The following HLCS variants were observed in gnomAD, a reference collection of about 807,000 sequenced individuals.
HLCS encodes holocarboxylase synthetase.
A neutral mutation model predicts 75.0 loss-of-function variants in HLCS; 53 were observed. The ratio of observed to expected loss-of-function variants is 0.71; its 90% CI spans 0.57 to 0.89. The LOEUF (loss-of-function observed/expected upper bound fraction) is 0.89. Ranked by LOEUF, HLCS falls within the 40% of genes least tolerant of loss-of-function variation. HLCS has a pLI of 0.00. For synonymous variants in HLCS, 431 were observed against 428.6 expected, an observed-to-expected ratio of 1.01 and a Z score of -0.07; for missense variants, 966 against 1,074.0, an observed-to-expected ratio of 0.90 and a Z score of 1.41.
At chr21:36,788,423 C>T (rs2060760328) in intron 6 of HLCS, among the ~76,000 whole-genome samples, 1 of 152,220 alleles carries the variant, frequency 6.6e-6, no homozygotes. Flanking sequence ...TACACACTGG[C>T]CCACGGAATG....
At position 36,937,158 on chromosome 21, in the gene HLCS, A is replaced by C. The variant is rs1218511890; in HGVS notation, c.728T>G (p.Val243Gly). The change falls in exon 4 of 11, where the codon GTT becomes GGT. Residue 243 changes from valine (V) to glycine (G), a missense_variant. Val to Gly is a moderately radical substitution (Grantham distance 109, BLOSUM62 -3). Coordinates refer to ENST00000674895, the MANE Select transcript of HLCS (RefSeq NM_001352514.2). ...AGDSDRGGGP[V>G]EHYHLHLSSC... ...AGACAGATGGAGGTGATAATGCTCA[A>C]CGGGGCCCCCTCCCCTGTCACTGTC... 6.2e-7 allele frequency: 1 copy of C among 1,614,014 alleles called. No homozygotes were observed. Among genetic ancestry groups the C allele is most frequent in the African/African-American group, 1.3e-5 (1 of 74,908 alleles).
At chr21:36,942,069 G>A (rs1377630997) in intron 2 of HLCS, among the ~76,000 whole-genome samples, 1 of 151,028 alleles carries the variant, frequency 6.6e-6, no homozygotes, top group Non-Finnish European at 1.5e-5. Flanking sequence ...CTACTCAGGA[G>A]GCTGAAGCTA....
chr21:36,878,005 T>C (rs957736348), intron 6 of HLCS, among the ~76,000 whole-genome samples: 5 of 152,032 alleles, frequency 3.3e-5, no homozygotes, highest in Admixed American at 3.3e-4. Context: ...CTTTCAGTAC[T>C]TGTTTTTTTT....
chr21:36,937,409 A>T lies in HLCS; in HGVS notation c.494-17T>A. 2 of 1,589,178 alleles carry T rather than the reference A, an allele frequency of 1.3e-6. No individual in the cohort carries two copies. Among genetic ancestry groups the T allele is most frequent in the Middle Eastern group, 1.7e-4 (1 of 5,996 alleles). On this transcript the variant is annotated splice_polypyrimidine_tract_variant and intron_variant, in intron 3 of 10. Coordinates refer to ENST00000674895, the MANE Select transcript of HLCS (RefSeq NM_001352514.2). The stretch of plus-strand genomic sequence containing the variant: ...AGTGCACCGCTAAGGCATGAATAGG[A>T]GAGAGAGACAGAAAATTAATCAACA...
At chr21:36,906,982 T>C (rs1458801905) in intron 5 of HLCS, among the ~76,000 whole-genome samples, 2 of 152,170 alleles carry the variant, frequency 1.3e-5, no homozygotes, top group Admixed American at 6.5e-5. Context: ...TGATTACAGC[T>C]CACTGCAGCC....
intron 6 of HLCS, among the ~76,000 whole-genome samples, chr21:36,857,538 G>A (rs560075248): frequency 6.6e-6 from 1 of 152,182 alleles, no homozygotes; most frequent in Non-Finnish European, 1.5e-5. Context: ...TCTTAGCAAG[G>A]CTTGGTAAGA....
intron 6 of HLCS, among the ~76,000 whole-genome samples, chr21:36,822,455 C>G (rs1335584298): frequency 6.6e-6 from 1 of 152,110 alleles, no homozygotes; most frequent in Non-Finnish European, 1.5e-5. Flanking sequence ...AGCATCAATC[C>G]TCTAATCTAA....
intron 2 of HLCS, among the ~76,000 whole-genome samples, chr21:36,956,914 A>G (rs957552416): frequency 2.1e-4 from 31 of 150,206 alleles, no homozygotes; most frequent in Admixed American, 1.5e-3. Context: ...TTAGCCGGGT[A>G]TGGTGGCAGG....
At chr21:36,907,390 C>T (rs2065505138) in intron 5 of HLCS, among the ~76,000 whole-genome samples, 1 of 152,020 alleles carries the variant, frequency 6.6e-6, no homozygotes, top group South Asian at 2.1e-4. Context: ...ACATGGTAGC[C>T]CACACCTGTA....
At chr21:36,938,745 C>G (rs2067006416) in intron 3 of HLCS, 87 bp downstream of exon 3, 1 of 1,366,682 alleles carries the variant, frequency 7.3e-7, no homozygotes, top group East Asian at 2.3e-5. Flanking sequence ...TCCAAGCGAT[C>G]CTCCTGCCTC....
intron 5 of HLCS, among the ~76,000 whole-genome samples, chr21:36,906,673 A>G (rs965956043): frequency 3.4e-5 from 5 of 146,196 alleles, no homozygotes; most frequent in African/African-American, 1.3e-4. Context: ...AAAATCCCAG[A>G]AGGCTTTTTT....
chr21:36,935,037 T>A (rs1345165305), intron 4 of HLCS, among the ~76,000 whole-genome samples: 1 of 152,212 alleles, frequency 6.6e-6, no homozygotes, highest in Non-Finnish European at 1.5e-5. Context: ...CAAGCAGATT[T>A]GCTATGTAAC....
chr21:36,798,999 T>C (rs974139640), intron 6 of HLCS, among the ~76,000 whole-genome samples: 9 of 152,228 alleles, frequency 5.9e-5, no homozygotes, highest in Non-Finnish European at 1.0e-4. Flanking sequence ...TTTTAAACTG[T>C]GTTTTATAAA....
At chr21:36,944,213 G>A (rs1448919820) in intron 2 of HLCS, 1 of 152,218 alleles carries the variant, frequency 6.6e-6, no homozygotes, top group African/African-American at 2.4e-5. Context: ...ACAAACTTGA[G>A]ATATGCACAA....
chr21:36,847,138 A>G (rs2062826221), intron 6 of HLCS, among the ~76,000 whole-genome samples: 1 of 152,214 alleles, frequency 6.6e-6, no homozygotes, highest in Admixed American at 6.5e-5. Context: ...TTTGTAATCA[A>G]ATTACCATCA....
At chr21:36,980,147 C>T (rs1299342477) in intron 1 of HLCS, among the ~76,000 whole-genome samples, 1 of 145,826 alleles carries the variant, frequency 6.9e-6, no homozygotes. Flanking sequence ...GCGATCACAT[C>T]AATGCACTCC....
chr21:36,838,865 C>A (rs1004152390), intron 6 of HLCS, among the ~76,000 whole-genome samples: 7 of 152,174 alleles, frequency 4.6e-5, no homozygotes, highest in Non-Finnish European at 1.0e-4. Context: ...ACGGGGCCTC[C>A]CCTGGAGCCT....
intron 2 of HLCS, among the ~76,000 whole-genome samples, chr21:36,959,434 G>A (rs12626945): frequency 0.2 from 31,126 of 152,150 alleles, 3,422 homozygotes; most frequent in East Asian, 0.34. Flanking sequence ...AACAGCCTGG[G>A]CACCTTGGAC....
At chr21:36,854,383 G>A (rs1405122893) in intron 6 of HLCS, among the ~76,000 whole-genome samples, 2 of 152,172 alleles carry the variant, frequency 1.3e-5, no homozygotes, top group Non-Finnish European at 2.9e-5. Context: ...TCTGGGGCAC[G>A]GGGAAGGACG....
Sources: allele counts gnomAD v4.1 joint callset (sites outside exome capture counted in the v4.1 genomes callset), GRCh38; gene constraint gnomAD v4.1.1; transcripts MANE v1.5; gene names NCBI Gene and HGNC (gene_info 2026-07-23, HGNC 2026-07-21).